The following ZNF438 variants were observed in gnomAD, a reference collection of about 807,000 sequenced individuals.
The protein encoded by ZNF438 is zinc finger protein 438.
In ZNF438, 25 loss-of-function variants were observed where a neutral mutation model predicts 38.0. The ratio of observed to expected loss-of-function variants is 0.66; its 90% CI spans 0.48 to 0.92. The LOEUF (loss-of-function observed/expected upper bound fraction) is 0.92, where lower values mean the gene tolerates loss of function less well. ZNF438 is among the 40% of genes least tolerant of loss of function. The pLI, the probability that ZNF438 is intolerant of heterozygous loss-of-function variation, is 0.00. For synonymous variants in ZNF438, 372 were observed against 364.1 expected (o/e 1.02, Z -0.25); for missense variants, 1,007 against 999.6 (o/e 1.01, Z -0.10).
In ZNF438 at chr10:30,960,069, C is replaced by T. The variant is rs986190388; in HGVS notation, c.-191-18418G>A. Reference sequence around the variant, plus strand: ...TGTGCTTACATGTGGCTATTAATCACTCTCATGTCTTTTCAGATGAAGTGT... The same window carrying T: ...TGTGCTTACATGTGGCTATTAATCATTCTCATGTCTTTTCAGATGAAGTGT... On this transcript the variant is annotated intron_variant, in intron 1 of 5. Coordinates refer to ENST00000413025, the Ensembl canonical transcript of ZNF438. Among the ~76,000 whole-genome samples, 6 of 147,052 alleles carry T rather than the reference C, an allele frequency of 4.1e-5. 1 individual carries two copies. The highest frequency in any genetic ancestry group is 1.5e-4 in the African/African-American group (6 of 41,094).
intron 2 of ZNF438, among the ~76,000 whole-genome samples, chr10:30,930,856 C>T (rs1290118377): frequency 1.0e-5 from 1 of 98,694 alleles, no homozygotes; most frequent in Non-Finnish European, 2.1e-5. Context: ...TTTCCTAAAA[C>T]CAGAAACTGC....
chr10:31,011,584 G>A (rs1325609276), intron 1 of ZNF438, among the ~76,000 whole-genome samples: 1 of 152,264 alleles, frequency 6.6e-6, no homozygotes, highest in Non-Finnish European at 1.5e-5. Flanking sequence ...CAAGGGTCAG[G>A]GTCAGGCCTT....
At chr10:31,006,365 A>G (rs951954385) in intron 1 of ZNF438, among the ~76,000 whole-genome samples, 2 of 152,128 alleles carry the variant, frequency 1.3e-5, no homozygotes, top group Non-Finnish European at 2.9e-5. Flanking sequence ...AAGCTTAAAT[A>G]GAAACCCAAA....
intron 3 of ZNF438, among the ~76,000 whole-genome samples, chr10:30,893,996 A>G (rs976494203): frequency 6.6e-6 from 1 of 152,202 alleles, no homozygotes; most frequent in Non-Finnish European, 1.5e-5. Context: ...CACTCAAATA[A>G]TACTGTACTG....
exon 5 of ZNF438, chr10:30,848,895 T>C: frequency 6.2e-7 from 1 of 1,614,230 alleles, no homozygotes; most frequent in South Asian, 1.1e-5. Flanking sequence ...TGCCAAGGCT[T>C]CTTAATGCCA....
At position 30,876,867 on chromosome 10, in the gene ZNF438, A is replaced by G. The variant is rs1377754055; in HGVS notation, c.37+131T>C. 8.6e-6 allele frequency: 5 copies of G among 584,470 alleles called. No homozygotes were observed. In the East Asian group the frequency reaches 1.4e-4, roughly 17 times the overall value. The allele number at this position is 584,470 out of a possible 1,614,324, so 36.2% of individuals were successfully genotyped here. A position where few individuals can be genotyped will look rare whatever the true frequency, so the allele number is the denominator to read the frequency against. On this transcript the variant is annotated intron_variant, in intron 4 of 5. Transcript: ENST00000413025. ...TATTTACCAAAAGAAATGAGTTTTC[A>G]TATATAATTATAATTTTTATTTTTA...
At chr10:30,935,033 T>C (rs568465521) in intron 2 of ZNF438, among the ~76,000 whole-genome samples, 1 of 152,360 alleles carries the variant, frequency 6.6e-6, no homozygotes, top group Non-Finnish European at 1.5e-5. Flanking sequence ...GTTGTTATTG[T>C]TGTATTTTGC....
intron 4 of ZNF438, among the ~76,000 whole-genome samples, chr10:30,868,218 C>T (rs541014732): frequency 1.8e-3 from 273 of 151,764 alleles, no homozygotes; most frequent in South Asian, 0.012. Flanking sequence ...TACAGGTGCC[C>T]GCCACCCCAC....
At chr10:31,006,447 G>C (rs1048245705) in intron 1 of ZNF438, among the ~76,000 whole-genome samples, 18 of 152,032 alleles carry the variant, frequency 1.2e-4, no homozygotes, top group African/African-American at 4.3e-4. Flanking sequence ...ACCCAGGGAG[G>C]GCAAGGGAGT....
At chr10:31,010,890 TTGAAAAAAAAA>T (rs1452708265) in intron 1 of ZNF438, among the ~76,000 whole-genome samples, 1 of 72,566 alleles carries the variant, frequency 1.4e-5, no homozygotes, top group African/African-American at 9.9e-5. Context: ...GAGACCCTGT[TTGAAAAAAAAA>T]AAAAAAAAAA....
chr10:30,851,758 C>G lies in ZNF438; in HGVS notation c.38-1391G>C, dbSNP rs114375346. ...GTTTGTAACAACTTTTCATAAACTT[C>G]TGTTTTCAGAGTTTTTTAGATTTTA... On this transcript the variant is annotated intron_variant, in intron 4 of 5. Coordinates refer to ENST00000413025, the Ensembl canonical transcript of ZNF438. 7.7e-3 allele frequency among the ~76,000 whole-genome samples: 1,179 copies of G among 152,286 alleles called. 20 individuals are homozygous for G. Among genetic ancestry groups the G allele is most frequent in the African/African-American group, 0.027 (1,119 of 41,526 alleles).
chr10:30,845,538 A>T (rs750371703), exon 6 of ZNF438: 1 of 1,613,144 alleles, frequency 6.2e-7, no homozygotes, highest in African/African-American at 1.3e-5. Flanking sequence ...TGCCTGGTTT[A>T]GAAGGAAGTC....
upstream of ZNF438, among the ~76,000 whole-genome samples, chr10:31,032,349 A>C (rs1319840696): frequency 2.6e-5 from 4 of 152,024 alleles, no homozygotes; most frequent in Admixed American, 2.6e-4. Flanking sequence ...CCCTGAAAAG[A>C]CAGCTCTCCC....
chr10:30,879,504 T>C (rs1487434495), intron 3 of ZNF438, among the ~76,000 whole-genome samples: 2 of 152,188 alleles, frequency 1.3e-5, no homozygotes, highest in Non-Finnish European at 2.9e-5. Context: ...ATATGATCCA[T>C]AATTTAGAAA....
chr10:30,931,357 G>A (rs1049942409), intron 2 of ZNF438, among the ~76,000 whole-genome samples: 1 of 152,190 alleles, frequency 6.6e-6, no homozygotes, highest in East Asian at 1.9e-4. Flanking sequence ...CATAGTTACA[G>A]AAACAATTAA....
intron 1 of ZNF438, among the ~76,000 whole-genome samples, chr10:30,972,747 C>T (rs984927156): frequency 1.3e-5 from 2 of 152,276 alleles, no homozygotes; most frequent in Middle Eastern, 3.4e-3. Flanking sequence ...TAGGAGGACA[C>T]TGGGCTGAAT....
exon 6 of ZNF438, chr10:30,845,320 G>C (rs2031688149): frequency 6.2e-7 from 1 of 1,613,986 alleles, no homozygotes; most frequent in Non-Finnish European, 8.5e-7. Context: ...ACCTTCTCCG[G>C]CTTCCCTCTC....
At chr10:30,963,746 T>C (rs2049804902) in intron 1 of ZNF438, among the ~76,000 whole-genome samples, 2 of 152,086 alleles carry the variant, frequency 1.3e-5, no homozygotes, top group East Asian at 3.9e-4. Flanking sequence ...CCGGGTACGG[T>C]GGCAGGCGCC....
chr10:30,923,826 G>C (rs1348403666), intron 2 of ZNF438, among the ~76,000 whole-genome samples: 1 of 152,146 alleles, frequency 6.6e-6, no homozygotes, highest in Admixed American at 6.5e-5. Context: ...TTCCATTTAA[G>C]TTCAGAATTA....
Sources: gnomAD v4.1 joint callset for allele counts (sites outside exome capture counted in the v4.1 genomes callset) on GRCh38, gnomAD v4.1.1 for gene constraint, MANE v1.5 for transcripts, NCBI Gene and HGNC (gene_info 2026-07-23, HGNC 2026-07-21) for gene names.